ASAP2: variants seen among roughly 807,000 people sequenced by gnomAD.
ASAP2 encodes the protein ArfGAP with SH3 domain, ankyrin repeat and PH domain 2, also known as arf-GAP with SH3 domain, ANK repeat and PH domain-containing protein 2.
ASAP2 carries 45 observed loss-of-function variants against 131.4 expected under a neutral mutation model. That is an observed-to-expected ratio of 0.34 (90% CI 0.27 to 0.44). The LOEUF is 0.44. Among genes scored for constraint, ASAP2 ranks in the 20% least tolerant of loss-of-function variants. The pLI is 1.00. For synonymous variants in ASAP2, 510 were observed against 503.0 expected (o/e 1.01, Z -0.19); for missense variants, 1,011 against 1,297.0 (o/e 0.78, Z 3.39).
intron 1 of ASAP2, among the ~76,000 whole-genome samples, chr2:9,211,155 C>CAA (rs70948809): frequency 1.5e-5 from 2 of 129,144 alleles, no homozygotes; most frequent in African/African-American, 2.9e-5. Flanking sequence ...AACTGCGTCT[C>CAA]AAAAAAAAAA....
intron 20 of ASAP2, among the ~76,000 whole-genome samples, chr2:9,384,574 G>T (rs1169867925): frequency 6.6e-6 from 1 of 152,226 alleles, no homozygotes; most frequent in East Asian, 1.9e-4. Context: ...CCCCTCTTTG[G>T]GTTTGAATAA....
chr2:9,272,878 T>C (rs1340495784), intron 1 of ASAP2, among the ~76,000 whole-genome samples: 1 of 152,216 alleles, frequency 6.6e-6, no homozygotes, highest in Non-Finnish European at 1.5e-5. Flanking sequence ...TATGGATTTA[T>C]TTCTGGGTTC....
intron 2 of ASAP2, among the ~76,000 whole-genome samples, chr2:9,290,272 C>A (rs1354079968): frequency 6.6e-6 from 1 of 152,202 alleles, no homozygotes; most frequent in African/African-American, 2.4e-5. Context: ...CACAGTGGCA[C>A]GATCTCGGCT....
intron 14 of ASAP2, 37 bp downstream of exon 14, chr2:9,356,382 AC>A (rs774019417): frequency 6.6e-7 from 1 of 1,526,426 alleles, no homozygotes; most frequent in East Asian, 2.3e-5. Context: ...GGGCTCTAGG[AC>A]ATTTCAATCC....
At chr2:9,299,817 A>T (rs1668372002) in intron 3 of ASAP2, among the ~76,000 whole-genome samples, 1 of 151,968 alleles carries the variant, frequency 6.6e-6, no homozygotes, top group South Asian at 2.1e-4. Flanking sequence ...TGGATAGATT[A>T]TAGCCAGCCG....
At position 9,207,450 on chromosome 2, in the gene ASAP2, C is replaced by T. The variant is rs1293731537; in HGVS notation, c.126+220C>T. Among the ~76,000 whole-genome samples the T allele has an allele frequency of 1.3e-5, 2 of 152,170 alleles. No individual in the cohort carries two copies. The highest frequency in any genetic ancestry group is 3.9e-4 in the East Asian group (2 of 5,164). ...CTCTTTAAGACCTCCCCTCTCTCGG[C>T]CTCGTGGCCCTCGCGGGGTTCCGCG... On this transcript the variant is annotated intron_variant, in intron 1 of 27. Transcript: ENST00000281419. This position sits in a 1 kb window ranked among gnomAD's most constrained non-coding sequence, Gnocchi z 4.1.
chr2:9,398,527 G>T (rs1026919429), intron 24 of ASAP2, among the ~76,000 whole-genome samples: 4 of 151,940 alleles, frequency 2.6e-5, no homozygotes, highest in Admixed American at 6.6e-5. Flanking sequence ...AAACACAAAG[G>T]CCAGGCACAG....
At chr2:9,302,950 C>T (rs1016212616) in intron 3 of ASAP2, among the ~76,000 whole-genome samples, 3 of 152,178 alleles carry the variant, frequency 2.0e-5, no homozygotes, top group Admixed American at 6.5e-5. Context: ...ACTAGTACAG[C>T]AGGACTCTGC....
At chr2:9,297,540 C>T in intron 3 of ASAP2, 95 bp downstream of exon 3, 1 of 1,411,154 alleles carries the variant, frequency 7.1e-7, no homozygotes. Context: ...ACTAGGAATG[C>T]ATTTCATAGT....
In ASAP2 at chr2:9,268,239, A is replaced by G. The variant is rs2148240188; in HGVS notation, c.127-11078A>G. Reference sequence around the variant, plus strand: ...CCATCATCAGTTTATTCATTTTACCATCGACATTTCGGTTTATCCAGTTGG... The same window carrying G: ...CCATCATCAGTTTATTCATTTTACCGTCGACATTTCGGTTTATCCAGTTGG... On this transcript the variant is annotated intron_variant, in intron 1 of 27. Coordinates refer to ENST00000281419, the MANE Select transcript of ASAP2 (RefSeq NM_003887.3). This position sits in a 1 kb window ranked among gnomAD's most constrained non-coding sequence, Gnocchi z 4.1. Among the ~76,000 whole-genome samples, 1 of 152,282 alleles carries G rather than the reference A, an allele frequency of 6.6e-6. No homozygotes were observed. Among genetic ancestry groups the G allele is most frequent in the South Asian group, 2.1e-4 (1 of 4,818 alleles).
chr2:9,307,193 T>C (rs1669001528), intron 3 of ASAP2, among the ~76,000 whole-genome samples: 1 of 152,212 alleles, frequency 6.6e-6, no homozygotes, highest in South Asian at 2.1e-4. Flanking sequence ...CCTGTTGGAC[T>C]TCCCCTAGAG....
chr2:9,391,582 T>C (rs995648350), intron 23 of ASAP2, among the ~76,000 whole-genome samples: 9 of 149,816 alleles, frequency 6.0e-5, no homozygotes, highest in African/African-American at 1.2e-4. Context: ...TTTTCTTTTT[T>C]TTTTTTTTTT....
rs11694787 is a variant in ASAP2, at chr2:9,229,333, G to T, written c.126+22103G>T. 6.6e-3 allele frequency among the ~76,000 whole-genome samples: 998 copies of T among 152,276 alleles called. 12 individuals are homozygous for T. Among genetic ancestry groups the T allele is most frequent in the African/African-American group, 0.023 (960 of 41,542 alleles). On this transcript the variant is annotated intron_variant, in intron 1 of 27. Transcript: ENST00000281419. Reference sequence around the variant, plus strand: ...ACTTTGCTCAGTGGTGCCCGCCACAGTGAGCCTCAGCCCCACCTCTGTTGT... The same window carrying T: ...ACTTTGCTCAGTGGTGCCCGCCACATTGAGCCTCAGCCCCACCTCTGTTGT...
Position 9,392,639 on chromosome 2 carries a change from A to G in ASAP2, c.2519-843A>G, listed in dbSNP as rs1324179193. On this transcript the variant is annotated intron_variant, in intron 23 of 27. Transcript: ENST00000281419. The surrounding 1 kb of genome is among the most constrained non-coding windows in gnomAD (Gnocchi z 4.0). ...TTTTGAGTTTTCCTTTAAATTGGAA[A>G]AAGGAAACAATAATGATAAAAAGAA... 6.6e-6 allele frequency among the ~76,000 whole-genome samples: 1 copy of G among 152,190 alleles called. No homozygotes were observed. The highest frequency in any genetic ancestry group is 1.5e-5 in the Non-Finnish European group (1 of 68,034).
intron 1 of ASAP2, among the ~76,000 whole-genome samples, chr2:9,212,608 A>G (rs1661654419): frequency 6.6e-6 from 1 of 152,164 alleles, no homozygotes; most frequent in African/African-American, 2.4e-5. Flanking sequence ...AATTCTTCCC[A>G]TGCACCCCAC....
At chr2:9,263,312 C>A (rs1429863063) in intron 1 of ASAP2, among the ~76,000 whole-genome samples, 1 of 152,228 alleles carries the variant, frequency 6.6e-6, no homozygotes. Context: ...CCAGGCCAGG[C>A]CCCCTTGTGC....
Position 9,268,484 on chromosome 2 carries a change from A to T in ASAP2, c.127-10833A>T, listed in dbSNP as rs763264412. 3.4e-4 allele frequency among the ~76,000 whole-genome samples: 52 copies of T among 152,250 alleles called. No individual in the cohort carries two copies. Among genetic ancestry groups the T allele is most frequent in the Middle Eastern group, 3.4e-3 (1 of 294 alleles). ...CTTCAGGCCTGGCTTTATTCCCACA[A>T]GGGGGGAGGTTCGTTATTGCTCTGG... On this transcript the variant is annotated intron_variant, in intron 1 of 27. Coordinates refer to ENST00000281419, the MANE Select transcript of ASAP2 (RefSeq NM_003887.3). This position sits in a 1 kb window ranked among gnomAD's most constrained non-coding sequence, Gnocchi z 4.1.
chr2:9,358,903 C>A lies in ASAP2; in HGVS notation c.1461+14C>A. ...TCTGAGCTGCTGGTAATTTTTAAAT[C>A]CTTGATTTCAGATTGGAAACAAATG... On this transcript the variant is annotated intron_variant, in intron 15 of 27. Transcript: ENST00000281419. 6.3e-7 allele frequency: 1 copy of A among 1,591,690 alleles called. No individual in the cohort carries two copies. Among genetic ancestry groups the A allele is most frequent in the Non-Finnish European group, 8.6e-7 (1 of 1,168,382 alleles).
chr2:9,269,781 A>G (rs967943232), intron 1 of ASAP2, among the ~76,000 whole-genome samples: 2 of 152,208 alleles, frequency 1.3e-5, no homozygotes, highest in Non-Finnish European at 2.9e-5. Context: ...TTATAGAAAC[A>G]TTCCTCTGTG....
Sources: gnomAD v4.1 joint callset for allele counts (sites outside exome capture counted in the v4.1 genomes callset) on GRCh38, gnomAD v4.1.1 for gene constraint, Gnocchi (gnomAD v3.1) non-coding constraint, MANE v1.5 for transcripts, NCBI Gene and HGNC (gene_info 2026-07-23, HGNC 2026-07-21) for gene names.